SLC41A2: variants seen among roughly 807,000 people sequenced by gnomAD.
The protein encoded by SLC41A2 is solute carrier family 41 member 2.
In SLC41A2, 32 loss-of-function variants were observed where a neutral mutation model predicts 58.3. That is an observed-to-expected ratio of 0.55 (90% confidence interval 0.41 to 0.74). The LOEUF (loss-of-function observed/expected upper bound fraction) is 0.74, where lower values mean the gene tolerates loss of function less well. Among genes scored for constraint, SLC41A2 ranks in the 30% least tolerant of loss-of-function variants. The pLI is 0.00. For missense variants in SLC41A2, 514 were observed against 680.6 expected (o/e 0.76, Z 2.72); for synonymous variants, 190 against 235.0 (o/e 0.81, Z 1.75).
intron 1 of SLC41A2, chr12:104,951,671 T>C (rs1400719484): frequency 6.6e-6 from 1 of 152,074 alleles, no homozygotes; most frequent in Non-Finnish European, 1.5e-5. Context: ...CTTTAGGGTA[T>C]ATGGATGTTC....
chr12:104,941,715 T>A (rs2135946359), intron 1 of SLC41A2, among the ~76,000 whole-genome samples: 1 of 152,322 alleles, frequency 6.6e-6, no homozygotes, highest in Admixed American at 6.5e-5. Flanking sequence ...CTAGCTCCTA[T>A]CAAACCAGGC....
intron 3 of SLC41A2, 121 bp downstream of exon 3, chr12:104,909,534 T>C: frequency 1.5e-6 from 1 of 681,798 alleles, no homozygotes; most frequent in Non-Finnish European, 2.5e-6. Flanking sequence ...CATAACTACT[T>C]AGCACAGCCC....
chr12:104,939,197 C>G (rs1487120722), intron 1 of SLC41A2, among the ~76,000 whole-genome samples: 1 of 152,132 alleles, frequency 6.6e-6, no homozygotes, highest in Non-Finnish European at 1.5e-5. Flanking sequence ...CTTATGAATT[C>G]AACTTTACTT....
chr12:104,887,585 A>T (rs1433769007), intron 5 of SLC41A2, among the ~76,000 whole-genome samples: 1 of 152,000 alleles, frequency 6.6e-6, no homozygotes, highest in Non-Finnish European at 1.5e-5. Context: ...AAAAAAATAC[A>T]TTATGCAATA....
At chr12:104,904,836 C>T (rs1478134604) in intron 3 of SLC41A2, among the ~76,000 whole-genome samples, 3 of 152,120 alleles carry the variant, frequency 2.0e-5, no homozygotes, top group Non-Finnish European at 4.4e-5. Context: ...GTGAGTGTTA[C>T]AGCTCATAAA....
rs150144310 is a variant in SLC41A2 at position 104,937,712 on chromosome 12, G to A, written c.-167-9018C>T. On this transcript the variant is annotated intron_variant, in intron 1 of 10. Transcript: ENST00000258538. ...AGTGTGGTCTTGGGTCCAGTGGCAT[G>A]GCATCAACTGGGAGACTAAGAAATG... Among the ~76,000 whole-genome samples, 11 of 152,272 alleles carry A rather than the reference G, an allele frequency of 7.2e-5. No individual in the cohort carries two copies. The East Asian group carries it at 2.1e-3, about 29-fold the overall frequency.
intron 8 of SLC41A2, among the ~76,000 whole-genome samples, chr12:104,851,313 C>T (rs2042789716): frequency 6.6e-6 from 1 of 152,108 alleles, no homozygotes; most frequent in Non-Finnish European, 1.5e-5. Context: ...AATTCACAGA[C>T]TATTTTGTTT....
At chr12:104,812,800 TATA>T (rs887979909) in intron 10 of SLC41A2, among the ~76,000 whole-genome samples, 31 of 151,996 alleles carry the variant, frequency 2.0e-4, no homozygotes, top group Non-Finnish European at 2.8e-4. Flanking sequence ...AATTATCTGA[TATA>T]ATAAACTTTT....
chr12:104,923,223 G>A (rs1236664795), intron 2 of SLC41A2, among the ~76,000 whole-genome samples: 4 of 147,180 alleles, frequency 2.7e-5, no homozygotes, highest in East Asian at 1.9e-4. Flanking sequence ...TTAGCCAGGC[G>A]GGGTGGCGGG....
intron 10 of SLC41A2, among the ~76,000 whole-genome samples, chr12:104,818,945 A>T (rs1205741592): frequency 6.6e-6 from 1 of 152,192 alleles, no homozygotes; most frequent in African/African-American, 2.4e-5. Context: ...AGATGTTATA[A>T]CCCATTTCTC....
At chr12:104,939,298 A>C (rs894100699) in intron 1 of SLC41A2, among the ~76,000 whole-genome samples, 3 of 152,220 alleles carry the variant, frequency 2.0e-5, no homozygotes, top group Admixed American at 2.0e-4. Flanking sequence ...CCTGGACTCA[A>C]GTGATCCTTG....
At chr12:104,844,346 AT>A in intron 10 of SLC41A2, 125 bp downstream of exon 10, 1 of 546,698 alleles carries the variant, frequency 1.8e-6, no homozygotes, top group Non-Finnish European at 2.9e-6. Flanking sequence ...AGAAGATCAA[AT>A]CAATATGAAG....
chr12:104,905,837 G>A (rs906669205), intron 3 of SLC41A2, among the ~76,000 whole-genome samples: 7 of 152,236 alleles, frequency 4.6e-5, no homozygotes, highest in African/African-American at 1.4e-4. Context: ...ACGCCCACCC[G>A]GAACTCCAGC....
At chr12:104,882,378 T>G (rs542136263) in intron 6 of SLC41A2, among the ~76,000 whole-genome samples, 1 of 152,338 alleles carries the variant, frequency 6.6e-6, no homozygotes, top group African/African-American at 2.4e-5. Flanking sequence ...CGCTGGTTTT[T>G]TTTGCCCATT....
chr12:104,824,770 G>A (rs1473482189), intron 10 of SLC41A2, among the ~76,000 whole-genome samples: 2 of 152,152 alleles, frequency 1.3e-5, no homozygotes, highest in African/African-American at 4.8e-5. Flanking sequence ...TGCTCCCCTA[G>A]AGGTTTGAGC....
intron 10 of SLC41A2, among the ~76,000 whole-genome samples, chr12:104,810,104 A>G (rs2248012): frequency 0.73 from 110,500 of 152,038 alleles, 40,501 homozygotes; most frequent in African/African-American, 0.81. Flanking sequence ...TAAGACAAAG[A>G]TTATCATGTC....
At chr12:104,931,196 A>C (rs962344883) in intron 1 of SLC41A2, among the ~76,000 whole-genome samples, 5 of 152,184 alleles carry the variant, frequency 3.3e-5, no homozygotes, top group African/African-American at 4.8e-5. Context: ...AAAATATGAA[A>C]CTGTGCTTAA....
At chr12:104,856,933 G>A (rs1442564168) in intron 8 of SLC41A2, among the ~76,000 whole-genome samples, 1 of 152,136 alleles carries the variant, frequency 6.6e-6, no homozygotes, top group Non-Finnish European at 1.5e-5. Context: ...AAAGGAAAGA[G>A]TGCTGGAAAT....
At chr12:104,915,726 T>C (rs2046287902) in intron 2 of SLC41A2, among the ~76,000 whole-genome samples, 2 of 152,184 alleles carry the variant, frequency 1.3e-5, no homozygotes, top group South Asian at 2.1e-4. Flanking sequence ...CAGGGACAAT[T>C]TGACTTCCTC....
Sources: gnomAD v4.1 joint callset for allele counts (sites outside exome capture counted in the v4.1 genomes callset) on GRCh38, gnomAD v4.1.1 for gene constraint, MANE v1.5 for transcripts, NCBI Gene and HGNC (gene_info 2026-07-23, HGNC 2026-07-21) for gene names.